The following CAMK1D variants were observed in gnomAD, a reference collection of about 807,000 sequenced individuals.
CAMK1D encodes the protein calcium/calmodulin-dependent protein kinase type 1D.
In CAMK1D, 9 loss-of-function variants were observed where a neutral mutation model predicts 47.7. The observed-to-expected ratio is 0.19, with a 90% CI of 0.11 to 0.33. The LOEUF (loss-of-function observed/expected upper bound fraction) is 0.33. CAMK1D is among the 10% of genes least tolerant of loss of function. The pLI is 1.00. For synonymous variants in CAMK1D, 184 were observed against 184.9 expected (o/e 0.99, Z 0.04); for missense variants, 291 against 488.7 (o/e 0.60, Z 3.81).
At chr10:12,431,286 G>A (rs750036932) in intron 1 of CAMK1D, among the ~76,000 whole-genome samples, 3 of 152,156 alleles carry the variant, frequency 2.0e-5, no homozygotes, top group Non-Finnish European at 4.4e-5. Context: ...TGGAAGCCTG[G>A]GGCTGTTTTT....
chr10:12,725,844 C>T (rs972466347), intron 3 of CAMK1D, among the ~76,000 whole-genome samples: 1 of 152,064 alleles, frequency 6.6e-6, no homozygotes, highest in Non-Finnish European at 1.5e-5. Context: ...GCAACCTCCA[C>T]CTCCCAGGCT....
intron 3 of CAMK1D, among the ~76,000 whole-genome samples, chr10:12,682,014 T>C (rs551524669): frequency 6.6e-6 from 1 of 152,324 alleles, no homozygotes; most frequent in African/African-American, 2.4e-5. Context: ...GGTCAGGAGA[T>C]CGAGACCATC....
At chr10:12,597,918 A>G (rs530469371) in intron 2 of CAMK1D, among the ~76,000 whole-genome samples, 146 of 152,342 alleles carry the variant, frequency 9.6e-4, no homozygotes, top group African/African-American at 2.1e-3. Flanking sequence ...TGGCATCGTT[A>G]TCAAACAATA....
chr10:12,643,427 G>A (rs533002750), intron 2 of CAMK1D, among the ~76,000 whole-genome samples: 1 of 152,306 alleles, frequency 6.6e-6, no homozygotes, highest in African/African-American at 2.4e-5. Context: ...AGCGGCAGGT[G>A]AGTGGGCGAA....
At chr10:12,388,964 C>T (rs1449477285) in intron 1 of CAMK1D, among the ~76,000 whole-genome samples, 1 of 152,166 alleles carries the variant, frequency 6.6e-6, no homozygotes, top group African/African-American at 2.4e-5. Context: ...ACTTGGGAAG[C>T]ACATTGTCGT....
chr10:12,401,260 TTATATATATTATG>T (rs1479958198), intron 1 of CAMK1D, among the ~76,000 whole-genome samples: 5 of 30,332 alleles, frequency 1.6e-4, no homozygotes, highest in African/African-American at 5.0e-4. Context: ...AATATATGTA[TTATATATATTATG>T]TATATATTTT....
intron 1 of CAMK1D, among the ~76,000 whole-genome samples, chr10:12,539,586 C>T (rs1836097154): frequency 6.6e-6 from 1 of 152,224 alleles, no homozygotes; most frequent in Non-Finnish European, 1.5e-5. Context: ...ACATGAGCAT[C>T]TGCTAGGTCT....
intron 1 of CAMK1D, among the ~76,000 whole-genome samples, chr10:12,371,886 CG>C (rs1296472382): frequency 1.3e-5 from 2 of 152,014 alleles, no homozygotes; most frequent in Non-Finnish European, 2.9e-5. Flanking sequence ...AGACTGGTCT[CG>C]AACTCCTGAC....
chr10:12,556,089 G>T (rs1836751469), intron 2 of CAMK1D, among the ~76,000 whole-genome samples: 1 of 152,138 alleles, frequency 6.6e-6, no homozygotes, highest in African/African-American at 2.4e-5. Context: ...CAAGAACAAA[G>T]AAGTGATTTC....
chr10:12,632,845 C>T lies in CAMK1D; in HGVS notation c.225-33891C>T, dbSNP rs1041824642. 9.8e-5 allele frequency among the ~76,000 whole-genome samples: 15 copies of T among 152,292 alleles called. 1 individual carries two copies. Among genetic ancestry groups the T allele is most frequent in the Admixed American group, 9.8e-4 (15 of 15,300 alleles). ...GAGTTGCTAGGATTACAGGCACGCA[C>T]CACCACGCCCAGCTAATTTTTGTAT... is the stretch of plus-strand genomic sequence containing the variant. On this transcript the variant is annotated intron_variant, in intron 2 of 10. Transcript: ENST00000619168.
intron 2 of CAMK1D, among the ~76,000 whole-genome samples, chr10:12,571,318 G>A (rs536274820): frequency 6.1e-4 from 93 of 151,794 alleles, no homozygotes; most frequent in African/African-American, 2.1e-3. Context: ...GCATGGTGGC[G>A]CGTGCCTGTA....
intron 4 of CAMK1D, among the ~76,000 whole-genome samples, chr10:12,766,127 G>T (rs1186662755): frequency 2.0e-5 from 3 of 151,626 alleles, no homozygotes; most frequent in African/African-American, 7.3e-5. Flanking sequence ...CACCACGCCC[G>T]GCTAGTTTTG....
intron 8 of CAMK1D, among the ~76,000 whole-genome samples, chr10:12,816,930 G>A (rs986547256): frequency 6.6e-6 from 1 of 151,608 alleles, no homozygotes; most frequent in South Asian, 2.1e-4. Flanking sequence ...TACAAAAGGA[G>A]GAGGTTTCAT....
chr10:12,509,847 C>G (rs910312940), intron 1 of CAMK1D, among the ~76,000 whole-genome samples: 1 of 152,204 alleles, frequency 6.6e-6, no homozygotes, highest in East Asian at 1.9e-4. Context: ...TCTCAGTTCA[C>G]CCAGGACATC....
intron 1 of CAMK1D, among the ~76,000 whole-genome samples, chr10:12,408,560 G>A (rs1416913689): frequency 1.3e-5 from 2 of 152,118 alleles, no homozygotes; most frequent in African/African-American, 2.4e-5. Context: ...ACCAAAGGTG[G>A]GTGCATCTCC....
At chr10:12,516,959 T>C (rs888464734) in intron 1 of CAMK1D, among the ~76,000 whole-genome samples, 1 of 152,222 alleles carries the variant, frequency 6.6e-6, no homozygotes, top group Admixed American at 6.5e-5. Flanking sequence ...ATCGAATCTG[T>C]ACATCAACTT....
rs1839683614 is a variant in CAMK1D, at chr10:12,412,287, C to G, written c.92+62377C>G. Among the ~76,000 whole-genome samples the G allele has an allele frequency of 2.6e-5, 4 of 151,904 alleles. No individual in the cohort carries two copies. In the South Asian group the frequency reaches 8.3e-4, roughly 32 times the overall value. On this transcript the variant is annotated intron_variant, in intron 1 of 10. Coordinates refer to ENST00000619168, the MANE Select transcript of CAMK1D (RefSeq NM_153498.4). ...GCTTCCCGTAGCCTGGCCCAGTGTG[C>G]TGGTTGCCCCTCTTTACAGCGACTA...
chr10:12,564,649 A>G (rs900130663), intron 2 of CAMK1D, among the ~76,000 whole-genome samples: 1 of 152,202 alleles, frequency 6.6e-6, no homozygotes, highest in South Asian at 2.1e-4. Context: ...AATTTGGTAA[A>G]TGGATTAATA....
intron 1 of CAMK1D, among the ~76,000 whole-genome samples, chr10:12,524,244 C>A (rs531826115): frequency 6.6e-6 from 1 of 151,802 alleles, no homozygotes; most frequent in Admixed American, 6.6e-5. Context: ...GAATTACAGG[C>A]GTGAGCCACT....
Sources: allele counts gnomAD v4.1 joint callset (sites outside exome capture counted in the v4.1 genomes callset), GRCh38; gene constraint gnomAD v4.1.1; transcripts MANE v1.5; gene names NCBI Gene and HGNC (gene_info 2026-07-23, HGNC 2026-07-21).